CSMD2: variants seen among roughly 807,000 people sequenced by gnomAD.
CSMD2 encodes CUB and sushi domain-containing protein 2.
A neutral mutation model predicts 398.5 loss-of-function variants in CSMD2; 130 were observed. The observed-to-expected ratio is 0.33, with a 90% confidence interval of 0.28 to 0.38. CSMD2 has a LOEUF of 0.38. Among genes scored for constraint, CSMD2 ranks in the 10% least tolerant of loss-of-function variants. The pLI is 1.00. For synonymous variants in CSMD2, 1,828 were observed against 1,908.5 expected (o/e 0.96, Z 1.10); for missense variants, 3,829 against 4,764.9 (o/e 0.80, Z 5.78).
chr1:33,935,648 C>T, intron 4 of CSMD2, 112 bp downstream of exon 4: 1 of 1,162,594 alleles, frequency 8.6e-7, no homozygotes, highest in Non-Finnish European at 1.2e-6. Flanking sequence ...CTTGGGTACC[C>T]CCCTCCCTGC....
At chr1:33,695,460 C>T (rs1288008824) in intron 24 of CSMD2, among the ~76,000 whole-genome samples, 1 of 152,114 alleles carries the variant, frequency 6.6e-6, no homozygotes, top group African/African-American at 2.4e-5. Flanking sequence ...GGTCTACATT[C>T]CCCATTGGAG....
At chr1:33,981,401 C>T (rs1570706118) in intron 3 of CSMD2, among the ~76,000 whole-genome samples, 1 of 152,148 alleles carries the variant, frequency 6.6e-6, no homozygotes, top group African/African-American at 2.4e-5. Flanking sequence ...ATTTTCATCC[C>T]CCTTTGGGCA....
chr1:33,843,724 G>A (rs2125070795), intron 6 of CSMD2, among the ~76,000 whole-genome samples: 1 of 152,316 alleles, frequency 6.6e-6, no homozygotes, highest in South Asian at 2.1e-4. Flanking sequence ...TTGGCTTCCT[G>A]TTGGATTGGC....
rs558643342 is a variant in CSMD2, at chr1:33,818,639, T to C, written c.1324+1074A>G. The stretch of plus-strand genomic sequence containing the variant: ...TAGCTATGTAGAATCCTTGAGATAA[T>C]ATAGCTAAAATCAGTGAAAATGCAA... On this transcript the variant is annotated intron_variant, in intron 9 of 70. Transcript: ENST00000373381. Among the ~76,000 whole-genome samples the C allele has an allele frequency of 2.6e-5, 4 of 152,308 alleles. No individual in the cohort carries two copies. The South Asian group carries it at 6.2e-4, about 24-fold the overall frequency.
At chr1:33,890,819 G>A (rs963536252) in intron 5 of CSMD2, among the ~76,000 whole-genome samples, 1 of 152,008 alleles carries the variant, frequency 6.6e-6, no homozygotes, top group African/African-American at 2.4e-5. Flanking sequence ...TTAATAAATG[G>A]TACTGGGAAA....
chr1:33,736,608 G>GA (rs1646895157), intron 15 of CSMD2, among the ~76,000 whole-genome samples: 1 of 152,210 alleles, frequency 6.6e-6, no homozygotes, highest in Non-Finnish European at 1.5e-5. Context: ...CTTGATTCAG[G>GA]AGGGTGGCAG....
At chr1:34,014,862 A>G (rs963881135) in intron 3 of CSMD2, among the ~76,000 whole-genome samples, 9 of 152,248 alleles carry the variant, frequency 5.9e-5, no homozygotes, top group South Asian at 2.1e-4. Context: ...TGGTTGGACA[A>G]TGAGAAACAA....
chr1:33,608,755 C>T (rs1367319162), intron 41 of CSMD2, among the ~76,000 whole-genome samples: 2 of 152,226 alleles, frequency 1.3e-5, no homozygotes, highest in Non-Finnish European at 2.9e-5. Flanking sequence ...GGGAGGGGCC[C>T]GGACAGAGTC....
chr1:33,603,704 C>T (rs765139590), intron 42 of CSMD2, among the ~76,000 whole-genome samples: 12 of 152,232 alleles, frequency 7.9e-5, no homozygotes, highest in Non-Finnish European at 1.2e-4. Flanking sequence ...CAGGCTGGAC[C>T]ATGTCATCAT....
intron 5 of CSMD2, chr1:33,863,973 G>T: frequency 1.8e-6 from 1 of 543,296 alleles, no homozygotes; most frequent in Non-Finnish European, 3.2e-6. Context: ...ATGCCCACAG[G>T]TGTTGGCTGG....
At chr1:34,107,539 T>G (rs1315546653) in intron 1 of CSMD2, among the ~76,000 whole-genome samples, 3 of 152,138 alleles carry the variant, frequency 2.0e-5, no homozygotes, top group African/African-American at 7.2e-5. Context: ...GTCAGACAGC[T>G]GATAAAAATG....
chr1:33,560,099 C>T (rs1334209698), intron 53 of CSMD2, among the ~76,000 whole-genome samples: 1 of 152,112 alleles, frequency 6.6e-6, no homozygotes, highest in Non-Finnish European at 1.5e-5. Context: ...TTCTAGGGAC[C>T]TAGTTGTCTG....
At chr1:34,165,596 A>G (rs1370667318), upstream of CSMD2, 1 of 695,112 alleles carries the variant, frequency 1.4e-6, no homozygotes, top group Admixed American at 2.4e-5. Context: ...ACACACACAC[A>G]CAAACACACA....
intron 3 of CSMD2, among the ~76,000 whole-genome samples, chr1:33,954,093 G>T (rs1212573750): frequency 6.6e-6 from 1 of 152,130 alleles, no homozygotes; most frequent in African/African-American, 2.4e-5. Context: ...GACCCAGGCA[G>T]ATAATCCATG....
intron 1 of CSMD2, among the ~76,000 whole-genome samples, chr1:34,093,742 G>C (rs1658932690): frequency 1.3e-5 from 2 of 151,960 alleles, no homozygotes; most frequent in Non-Finnish European, 2.9e-5. Flanking sequence ...AAGCCTTCAA[G>C]AAATATGGGA....
At chr1:33,809,632 C>A (rs1440181157) in intron 10 of CSMD2, among the ~76,000 whole-genome samples, 1 of 151,878 alleles carries the variant, frequency 6.6e-6, no homozygotes, top group Non-Finnish European at 1.5e-5. Flanking sequence ...CCATAGGGGT[C>A]ACCATCATAA....
rs1310467162 is a variant in CSMD2, at chr1:34,165,219, T to A, written c.-122A>T. ...CCGGTACGCGGGAGCCCTGAGCTTC[T>A]GCGGCTGGAATGAACCAAGTGTCCG... On this transcript the variant is annotated 5_prime_UTR_variant, in exon 1 of 71. Transcript: ENST00000373381. 8.6e-7 allele frequency: 1 copy of A among 1,168,896 alleles called. No homozygotes were observed. The highest frequency in any genetic ancestry group is 1.1e-6 in the Non-Finnish European group (1 of 948,008). 72.4% of individuals were successfully genotyped at this position (1,168,896 alleles called of 1,614,324 possible).
intron 1 of CSMD2, among the ~76,000 whole-genome samples, chr1:34,109,928 C>A (rs1260276616): frequency 2.0e-5 from 3 of 151,060 alleles, no homozygotes; most frequent in Admixed American, 1.3e-4. Context: ...GTAATCCCAG[C>A]TACTCGGGAG....
chr1:33,704,229 A>C (rs753853812), intron 22 of CSMD2, among the ~76,000 whole-genome samples: 1 of 151,950 alleles, frequency 6.6e-6, no homozygotes, highest in Non-Finnish European at 1.5e-5. Context: ...TTTTGAGTTT[A>C]TTAGTTGATT....
Sources: gnomAD v4.1 joint callset for allele counts (sites outside exome capture counted in the v4.1 genomes callset) on GRCh38, gnomAD v4.1.1 for gene constraint, MANE v1.5 for transcripts, NCBI Gene and HGNC (gene_info 2026-07-23, HGNC 2026-07-21) for gene names.